The following NOVA1 variants were observed in gnomAD, a reference collection of about 807,000 sequenced individuals.
The protein encoded by NOVA1 is RNA-binding protein Nova-1.
NOVA1 carries 7 observed loss-of-function variants against 38.0 expected under a neutral mutation model. That is an observed-to-expected ratio of 0.18 (90% confidence interval 0.10 to 0.35). NOVA1 has a LOEUF of 0.35. Ranked by LOEUF, NOVA1 falls within the 10% of genes least tolerant of loss-of-function variation. NOVA1 has a pLI of 1.00. For synonymous variants in NOVA1, 270 were observed against 232.5 expected (o/e 1.16, Z -1.47); for missense variants, 460 against 616.0 (o/e 0.75, Z 2.68).
intron 2 of NOVA1, among the ~76,000 whole-genome samples, chr14:26,496,684 T>A (rs992268779): frequency 7.5e-4 from 114 of 152,288 alleles, no homozygotes; most frequent in Non-Finnish European, 1.3e-3. Context: ...GGTATAAGGA[T>A]GGGATCCAGT....
intron 2 of NOVA1, among the ~76,000 whole-genome samples, chr14:26,539,969 G>C (rs966773144): frequency 6.6e-6 from 1 of 152,182 alleles, no homozygotes; most frequent in Non-Finnish European, 1.5e-5. Flanking sequence ...CCTCTTACTA[G>C]CATAAATCAG....
chr14:26,561,070 A>G (rs1891790155), intron 2 of NOVA1, among the ~76,000 whole-genome samples: 1 of 152,086 alleles, frequency 6.6e-6, no homozygotes, highest in African/African-American at 2.4e-5. Context: ...TGCAACCTAG[A>G]TCCTTCGCGT....
At chr14:26,492,835 T>G (rs1195406358) in intron 2 of NOVA1, among the ~76,000 whole-genome samples, 1 of 151,904 alleles carries the variant, frequency 6.6e-6, no homozygotes, top group Non-Finnish European at 1.5e-5. Flanking sequence ...CATGGGGGTG[T>G]GCACCTGTAA....
chr14:26,522,097 A>G (rs770150112), intron 2 of NOVA1, among the ~76,000 whole-genome samples: 1 of 152,118 alleles, frequency 6.6e-6, no homozygotes, highest in Admixed American at 6.5e-5. Context: ...ATCAATATTC[A>G]TATCAATGTG....
intron 2 of NOVA1, among the ~76,000 whole-genome samples, chr14:26,571,606 A>T (rs1293734793): frequency 6.6e-6 from 1 of 152,194 alleles, no homozygotes; most frequent in Non-Finnish European, 1.5e-5. Context: ...CGTGGCTAGA[A>T]CACAGAGGGC....
Position 26,493,037 on chromosome 14 carries a change from A to T in NOVA1, c.281-12894T>A, listed in dbSNP as rs575436103. Among the ~76,000 whole-genome samples the T allele has an allele frequency of 2.6e-5, 4 of 152,320 alleles. No homozygotes were observed. The South Asian group carries it at 8.3e-4, about 32-fold the overall frequency. Reference sequence around the variant, plus strand: ...TTTGGGTATGAAGGCAAAGCTCAGAAATTCTGCTCAGAAATTCTGCAACTC... The same window carrying T: ...TTTGGGTATGAAGGCAAAGCTCAGATATTCTGCTCAGAAATTCTGCAACTC... On this transcript the variant is annotated intron_variant, in intron 2 of 4. Transcript: ENST00000539517.
chr14:26,472,270 A>C (rs2138255365), intron 4 of NOVA1, 50 bp downstream of exon 4: 1 of 1,105,362 alleles, frequency 9.0e-7, no homozygotes, highest in Non-Finnish European at 1.4e-6. Flanking sequence ...TCCAGTTTGC[A>C]GGCAATCACC....
At chr14:26,510,200 C>T (rs765187236) in intron 2 of NOVA1, among the ~76,000 whole-genome samples, 4 of 152,062 alleles carry the variant, frequency 2.6e-5, no homozygotes, top group Non-Finnish European at 4.4e-5. Context: ...TATTGACTTC[C>T]TTCTATACAG....
At chr14:26,547,282 A>G (rs1890852237) in intron 2 of NOVA1, among the ~76,000 whole-genome samples, 1 of 152,140 alleles carries the variant, frequency 6.6e-6, no homozygotes, top group South Asian at 2.1e-4. Flanking sequence ...GATAAGAGGT[A>G]TCTGTTTTAT....
chr14:26,497,711 T>TG (rs1358036500), intron 2 of NOVA1, among the ~76,000 whole-genome samples: 1 of 152,196 alleles, frequency 6.6e-6, no homozygotes, highest in Non-Finnish European at 1.5e-5. Flanking sequence ...TAATTATGCA[T>TG]GGAAAAAGAT....
At chr14:26,507,770 AT>A (rs1162640281) in intron 2 of NOVA1, among the ~76,000 whole-genome samples, 1 of 152,178 alleles carries the variant, frequency 6.6e-6, no homozygotes, top group Non-Finnish European at 1.5e-5. Flanking sequence ...CAGAAAATCC[AT>A]AAACAAAATC....
intron 2 of NOVA1, among the ~76,000 whole-genome samples, chr14:26,480,992 C>T (rs1245210): frequency 0.96 from 145,395 of 152,054 alleles, 69,846 homozygotes; most frequent in East Asian, 1. Context: ...TAAGGTGAAA[C>T]TGTGTCTAAC....
chr14:26,563,016 A>G, intron 2 of NOVA1, among the ~76,000 whole-genome samples: 1 of 152,148 alleles, frequency 6.6e-6, no homozygotes, highest in East Asian at 1.9e-4. Flanking sequence ...ACAGACATAT[A>G]GCTACCGTCA....
chr14:26,586,301 A>G (rs553248607), intron 2 of NOVA1, among the ~76,000 whole-genome samples: 1 of 151,496 alleles, frequency 6.6e-6, no homozygotes, highest in Non-Finnish European at 1.5e-5. Flanking sequence ...TTAACTGAGT[A>G]GACCAATTTA....
At chr14:26,476,718 CTTTTT>C (rs1222564781) in intron 3 of NOVA1, among the ~76,000 whole-genome samples, 4 of 139,200 alleles carry the variant, frequency 2.9e-5, no homozygotes, top group African/African-American at 7.8e-5. Context: ...TTTTTCTTTT[CTTTTT>C]TTTTTTTTTT....
At chr14:26,499,686 T>G (rs1272931616) in intron 2 of NOVA1, among the ~76,000 whole-genome samples, 1 of 152,158 alleles carries the variant, frequency 6.6e-6, no homozygotes, top group South Asian at 2.1e-4. Flanking sequence ...TATCCAACCT[T>G]GTTGGGAATT....
At chr14:26,517,615 T>A (rs1488020275) in intron 2 of NOVA1, among the ~76,000 whole-genome samples, 1 of 152,202 alleles carries the variant, frequency 6.6e-6, no homozygotes, top group African/African-American at 2.4e-5. Context: ...AAATGGACTA[T>A]GTACTTTAAG....
At chr14:26,513,741 G>A (rs1479130715) in intron 2 of NOVA1, among the ~76,000 whole-genome samples, 1 of 151,668 alleles carries the variant, frequency 6.6e-6, no homozygotes, top group South Asian at 2.1e-4. Flanking sequence ...CAAATGAAAA[G>A]TATTCTCAAC....
intron 1 of NOVA1, chr14:26,596,611 C>G (rs1894208136): frequency 7.8e-7 from 1 of 1,289,086 alleles, no homozygotes; most frequent in South Asian, 1.2e-5. Context: ...TAAGATGATT[C>G]CAGTGCAAAT....
Sources: allele counts gnomAD v4.1 joint callset (sites outside exome capture counted in the v4.1 genomes callset), GRCh38; gene constraint gnomAD v4.1.1; transcripts MANE v1.5; gene names NCBI Gene and HGNC (gene_info 2026-07-23, HGNC 2026-07-21).